Variants in HECW2 observed in about 807,000 individuals in gnomAD.
HECW2 encodes the protein E3 ubiquitin-protein ligase HECW2.
HECW2 carries 61 observed loss-of-function variants against 175.2 expected under a neutral mutation model. That is an observed-to-expected ratio of 0.35 (90% CI 0.28 to 0.43). HECW2 has a LOEUF of 0.43. Among genes scored for constraint, HECW2 ranks in the 20% least tolerant of loss-of-function variants. The pLI, the probability that HECW2 is intolerant of heterozygous loss-of-function variation, is 1.00. For synonymous variants in HECW2, 671 were observed against 731.0 expected (o/e 0.92, Z 1.32); for missense variants, 1,524 against 2,000.5 (o/e 0.76, Z 4.54).
chr2:196,408,038 C>T (rs1294306417), intron 2 of HECW2, among the ~76,000 whole-genome samples: 1 of 152,198 alleles, frequency 6.6e-6, no homozygotes, highest in Admixed American at 6.5e-5. Flanking sequence ...CCATCCAGCA[C>T]CTTCTGAGTC....
intron 1 of HECW2, among the ~76,000 whole-genome samples, chr2:196,554,202 T>G (rs1689711308): frequency 6.6e-6 from 1 of 151,872 alleles, no homozygotes; most frequent in African/African-American, 2.4e-5. Flanking sequence ...GGCGGGCGCC[T>G]GTAGTCCCAG....
intron 2 of HECW2, among the ~76,000 whole-genome samples, chr2:196,396,935 C>A (rs1039089960): frequency 4.6e-5 from 7 of 151,834 alleles, no homozygotes; most frequent in African/African-American, 1.7e-4. Context: ...CATGGTGAAG[C>A]CCCATCTCTA....
intron 1 of HECW2, among the ~76,000 whole-genome samples, chr2:196,497,300 C>T (rs117774895): frequency 6.6e-6 from 1 of 152,238 alleles, no homozygotes; most frequent in East Asian, 1.9e-4. Context: ...ATCATTTCAC[C>T]TAGGAAAGAA....
intron 1 of HECW2, among the ~76,000 whole-genome samples, chr2:196,590,812 A>G (rs942542021): frequency 1.7e-4 from 26 of 152,228 alleles, no homozygotes; most frequent in Admixed American, 1.5e-3. Context: ...GTGTTGCAAA[A>G]GCCTTTTAAA....
intron 2 of HECW2, among the ~76,000 whole-genome samples, chr2:196,386,462 C>T (rs2105930827): frequency 6.6e-6 from 1 of 152,154 alleles, no homozygotes; most frequent in East Asian, 1.9e-4. Flanking sequence ...TGAGAAGCAG[C>T]AAAGAGATAA....
chr2:196,388,502 G>T (rs1460206891), intron 2 of HECW2, among the ~76,000 whole-genome samples: 3 of 152,084 alleles, frequency 2.0e-5, no homozygotes, highest in Non-Finnish European at 4.4e-5. Flanking sequence ...CATGTTACCT[G>T]TGGGGGAAAC....
intron 2 of HECW2, among the ~76,000 whole-genome samples, chr2:196,415,623 T>C (rs1695234998): frequency 6.6e-6 from 1 of 152,236 alleles, no homozygotes; most frequent in East Asian, 1.9e-4. Flanking sequence ...GTGCATGACA[T>C]GCAGAATGGG....
At chr2:196,250,237 C>G (rs1266344205) in intron 19 of HECW2, among the ~76,000 whole-genome samples, 2 of 152,136 alleles carry the variant, frequency 1.3e-5, no homozygotes, top group Non-Finnish European at 2.9e-5. Flanking sequence ...CACTTTAAAC[C>G]CCAGCATAGG....
chr2:196,203,051 T>A lies in HECW2; in HGVS notation c.4608-1663A>T, dbSNP rs570116250. ...GTCATATGAGGTCAGTTGTGAAATTTTCTACTTGTGGCATCATGTTGGCAC... is the reference window on the plus strand; with the variant it reads ...GTCATATGAGGTCAGTTGTGAAATTATCTACTTGTGGCATCATGTTGGCAC... On this transcript the variant is annotated intron_variant, in intron 28 of 28. Transcript: ENST00000644978. Among the ~76,000 whole-genome samples the A allele has an allele frequency of 6.6e-5, 10 of 152,288 alleles. No individual in the cohort carries two copies. In the South Asian group the frequency reaches 2.1e-3, roughly 32 times the overall value.
At chr2:196,560,505 G>A (rs904383562) in intron 1 of HECW2, among the ~76,000 whole-genome samples, 19 of 152,028 alleles carry the variant, frequency 1.2e-4, no homozygotes, top group African/African-American at 4.1e-4. Flanking sequence ...CCCTGTCCCA[G>A]GGAACTGAGC....
At chr2:196,278,133 A>ATATATATATATATATATATATATATAT (rs1553489735) in intron 15 of HECW2, among the ~76,000 whole-genome samples, 2,283 of 65,976 alleles carry the variant, frequency 0.035, 619 homozygotes, top group East Asian at 0.068. Flanking sequence ...ATAATTAAAA[A>ATATATATATATATATATATATATATAT]ATATATATAT....
At chr2:196,289,998 C>A (rs1195619792) in intron 14 of HECW2, 7 of 152,168 alleles carry the variant, frequency 4.6e-5, no homozygotes, top group African/African-American at 1.7e-4. Flanking sequence ...AGTCTTAATG[C>A]ATGACAGAGA....
chr2:196,235,868 C>T (rs752453308), intron 21 of HECW2, among the ~76,000 whole-genome samples: 3 of 151,856 alleles, frequency 2.0e-5, no homozygotes, highest in African/African-American at 7.3e-5. Context: ...CCGTGCTAGC[C>T]AGGATGGTCT....
In HECW2 at chr2:196,365,759, C is replaced by T. The variant is rs150324834; in HGVS notation, c.293-21995G>A. 5.4e-3 allele frequency among the ~76,000 whole-genome samples: 820 copies of T among 152,264 alleles called. 8 individuals carry two copies. The highest frequency in any genetic ancestry group is 0.02 in the Middle Eastern group (6 of 294). On this transcript the variant is annotated intron_variant, in intron 2 of 28. Transcript: ENST00000644978. ...AGTAGGCCGTTAAACTCACTAAAAA[C>T]GATCATGACTATTATTTGTTATAAT...
intron 19 of HECW2, among the ~76,000 whole-genome samples, chr2:196,244,527 C>T (rs113419711): frequency 8.5e-5 from 13 of 152,274 alleles, no homozygotes; most frequent in African/African-American, 1.9e-4. Context: ...CACCACTTTG[C>T]GGCAGCCACT....
chr2:196,444,353 A>T (rs951700594), intron 1 of HECW2, among the ~76,000 whole-genome samples: 1 of 152,248 alleles, frequency 6.6e-6, no homozygotes, highest in Admixed American at 6.5e-5. Flanking sequence ...AAAAGCTTCC[A>T]GAAAAGACCA....
At chr2:196,295,653 A>G (rs972930203) in intron 13 of HECW2, among the ~76,000 whole-genome samples, 3 of 152,174 alleles carry the variant, frequency 2.0e-5, no homozygotes, top group African/African-American at 4.8e-5. Context: ...AATAGGCCAC[A>G]TTCTGATTTC....
At chr2:196,522,829 T>C (rs992259852) in intron 1 of HECW2, among the ~76,000 whole-genome samples, 2 of 152,160 alleles carry the variant, frequency 1.3e-5, no homozygotes, top group African/African-American at 4.8e-5. Context: ...TTCTGTTCCA[T>C]TGATCTATAT....
At chr2:196,383,787 T>C (rs12693791) in intron 2 of HECW2, among the ~76,000 whole-genome samples, 38,859 of 152,152 alleles carry the variant, frequency 0.26, 6,376 homozygotes, top group African/African-American at 0.47. Flanking sequence ...AATCATTCAG[T>C]AGTGGCCCTT....
Sources: allele counts gnomAD v4.1 joint callset (sites outside exome capture counted in the v4.1 genomes callset), GRCh38; gene constraint gnomAD v4.1.1; transcripts MANE v1.5; gene names NCBI Gene and HGNC (gene_info 2026-07-23, HGNC 2026-07-21).